MAML2: variants seen among roughly 807,000 people sequenced by gnomAD.
MAML2 encodes the protein mastermind like transcriptional coactivator 2.
A neutral mutation model predicts 96.1 loss-of-function variants in MAML2; 22 were observed. The ratio of observed to expected loss-of-function variants is 0.23; its 90% confidence interval spans 0.16 to 0.33. The LOEUF (loss-of-function observed/expected upper bound fraction) is 0.33, where lower values mean the gene tolerates loss of function less well. Among genes scored for constraint, MAML2 ranks in the 10% least tolerant of loss-of-function variants. The pLI is 1.00. For synonymous variants in MAML2, 561 were observed against 521.3 expected (o/e 1.08, Z -1.04); for missense variants, 1,367 against 1,392.4 (o/e 0.98, Z 0.29).
chr11:96,022,329 T>A (rs1006235358), intron 2 of MAML2, among the ~76,000 whole-genome samples: 5 of 152,210 alleles, frequency 3.3e-5, no homozygotes, highest in African/African-American at 1.2e-4. Flanking sequence ...TGTCCCAGTT[T>A]CCTGCCTTTC....
At chr11:96,052,333 C>T (rs1353427756) in intron 2 of MAML2, among the ~76,000 whole-genome samples, 1 of 152,042 alleles carries the variant, frequency 6.6e-6, no homozygotes, top group Non-Finnish European at 1.5e-5. Flanking sequence ...AGGCATCTAC[C>T]ACATGGAAAT....
intron 1 of MAML2, among the ~76,000 whole-genome samples, chr11:96,202,484 G>T (rs1007338373): frequency 6.6e-6 from 1 of 152,136 alleles, no homozygotes; most frequent in Admixed American, 6.5e-5. Context: ...AGTGCTAATT[G>T]CTTCAATATA....
intron 2 of MAML2, among the ~76,000 whole-genome samples, chr11:96,002,943 TAA>T (rs1858115367): frequency 7.1e-6 from 1 of 141,564 alleles, no homozygotes. Context: ...ATGGGGATGA[TAA>T]GAAGGATGAT....
chr11:96,331,946 G>A (rs1432798863), intron 1 of MAML2, among the ~76,000 whole-genome samples: 2 of 152,148 alleles, frequency 1.3e-5, no homozygotes, highest in Non-Finnish European at 2.9e-5. Flanking sequence ...ATATGAACTG[G>A]CCCTCTAGGG....
intron 1 of MAML2, among the ~76,000 whole-genome samples, chr11:96,305,087 T>G (rs770918349): frequency 7.2e-5 from 11 of 152,226 alleles, no homozygotes; most frequent in Non-Finnish European, 7.3e-5. Context: ...ATATACACTT[T>G]AATCCATTTT....
chr11:95,998,955 A>G (rs1858039914), intron 2 of MAML2, among the ~76,000 whole-genome samples: 1 of 152,198 alleles, frequency 6.6e-6, no homozygotes, highest in Admixed American at 6.6e-5. Context: ...CTGGGAGACA[A>G]TTAGGAGAAC....
intron 4 of MAML2, among the ~76,000 whole-genome samples, chr11:95,980,986 G>A (rs945231435): frequency 3.9e-5 from 6 of 152,200 alleles, no homozygotes; most frequent in African/African-American, 7.2e-5. Flanking sequence ...CCTGTGCACT[G>A]GGAAGACAGG....
chr11:96,234,680 C>G (rs992161306), intron 1 of MAML2, among the ~76,000 whole-genome samples: 4 of 152,130 alleles, frequency 2.6e-5, no homozygotes, highest in African/African-American at 4.8e-5. Context: ...CATATGCATG[C>G]ACATACTTGC....
intron 1 of MAML2, among the ~76,000 whole-genome samples, chr11:96,260,233 T>G (rs1187824964): frequency 6.6e-6 from 1 of 151,658 alleles, no homozygotes; most frequent in Non-Finnish European, 1.5e-5. Context: ...AGAAGGATGG[T>G]GGTAGAGCAG....
In MAML2 at chr11:96,161,222, C is replaced by T. The variant is rs139257064; in HGVS notation, c.514-67705G>A. ...AATTAGGAACATTTAGACCCTGAAA[C>T]GGGAGGAATGTGGTGGGGAAGGCAA... On this transcript the variant is annotated intron_variant, in intron 1 of 4. Transcript: ENST00000524717. 2.4e-3 allele frequency among the ~76,000 whole-genome samples: 359 copies of T among 152,272 alleles called. 1 individual carries two copies. The highest frequency in any genetic ancestry group is 8.2e-3 in the African/African-American group (342 of 41,552).
At chr11:96,030,293 T>A (rs1239989415) in intron 2 of MAML2, among the ~76,000 whole-genome samples, 2 of 151,876 alleles carry the variant, frequency 1.3e-5, no homozygotes, top group African/African-American at 2.4e-5. Flanking sequence ...ATTGTTTTTT[T>A]AAAAAAGGAA....
chr11:96,037,059 A>G (rs1473548018), intron 2 of MAML2, among the ~76,000 whole-genome samples: 1 of 152,206 alleles, frequency 6.6e-6, no homozygotes, highest in Non-Finnish European at 1.5e-5. Flanking sequence ...TCGGGAGCCA[A>G]CGCACCTGGG....
chr11:96,249,542 A>G (rs145026619), intron 1 of MAML2, among the ~76,000 whole-genome samples: 2 of 152,240 alleles, frequency 1.3e-5, no homozygotes, highest in African/African-American at 4.8e-5. Context: ...TGACACTCCA[A>G]CAATATCCCT....
At chr11:96,338,888 T>C (rs1591140290) in intron 1 of MAML2, among the ~76,000 whole-genome samples, 1 of 152,138 alleles carries the variant, frequency 6.6e-6, no homozygotes, top group South Asian at 2.1e-4. Context: ...CCGAGTAAAG[T>C]GAGACCTGCC....
intron 1 of MAML2, among the ~76,000 whole-genome samples, chr11:96,209,588 A>ACAAG (rs1861939772): frequency 2.4e-5 from 1 of 41,984 alleles, no homozygotes; most frequent in Admixed American, 2.9e-4. Context: ...AAACAAACAA[A>ACAAG]CAAACAAACA....
chr11:96,056,537 T>C (rs1310052681), intron 2 of MAML2, among the ~76,000 whole-genome samples: 1 of 152,216 alleles, frequency 6.6e-6, no homozygotes, highest in East Asian at 1.9e-4. Flanking sequence ...TCTTTAAATC[T>C]GGAATTTAAA....
At chr11:96,130,770 A>AT (rs35416611) in intron 1 of MAML2, among the ~76,000 whole-genome samples, 40,015 of 147,392 alleles carry the variant, frequency 0.27, 5,554 homozygotes, top group Middle Eastern at 0.35. Context: ...GTTTATTCTG[A>AT]TTTTTTTTTT....
intron 1 of MAML2, among the ~76,000 whole-genome samples, chr11:96,179,166 C>A (rs908806931): frequency 5.3e-5 from 8 of 152,160 alleles, no homozygotes; most frequent in Admixed American, 4.6e-4. Flanking sequence ...CCTTACCTTC[C>A]AAACACCTTT....
rs145878859 is a variant in MAML2, at chr11:96,107,730, C to T, written c.514-14213G>A. ...AGGGGCTAAAGGTTGCGTTGATCAC[C>T]GGTGGCCAATGATTTAATCAACCAC... On this transcript the variant is annotated intron_variant, in intron 1 of 4. Coordinates refer to ENST00000524717, the MANE Select transcript of MAML2 (RefSeq NM_032427.4). Among the ~76,000 whole-genome samples the T allele has an allele frequency of 7.0e-3, 1,069 of 152,164 alleles. 7 individuals are homozygous for T. The highest frequency in any genetic ancestry group is 0.017 in the Admixed American group (259 of 15,290).
Sources: gnomAD v4.1 joint callset for allele counts (sites outside exome capture counted in the v4.1 genomes callset) on GRCh38, gnomAD v4.1.1 for gene constraint, MANE v1.5 for transcripts, NCBI Gene and HGNC (gene_info 2026-07-23, HGNC 2026-07-21) for gene names.